SCN8A: variants seen among roughly 807,000 people sequenced by gnomAD.
SCN8A encodes the protein sodium channel protein type 8 subunit alpha.
A neutral mutation model predicts 184.1 loss-of-function variants in SCN8A; 30 were observed. The observed-to-expected ratio is 0.16, with a 90% confidence interval of 0.12 to 0.22. The LOEUF (loss-of-function observed/expected upper bound fraction) is 0.22. SCN8A is among the 10% of genes least tolerant of loss of function. The pLI is 1.00. For missense variants in SCN8A, 1,057 were observed against 2,498.9 expected (o/e 0.42, Z 12.30); for synonymous variants, 852 against 907.0 (o/e 0.94, Z 1.09).
At chr12:51,744,854 T>C (rs956457516) in intron 12 of SCN8A, among the ~76,000 whole-genome samples, 1 of 152,170 alleles carries the variant, frequency 6.6e-6, no homozygotes, top group Non-Finnish European at 1.5e-5. Flanking sequence ...TATTTTCTTT[T>C]TAAAACAGCT....
intron 12 of SCN8A, 148 bp from the exon 13 acceptor site, chr12:51,745,755 A>G: frequency 1.9e-6 from 1 of 523,576 alleles, no homozygotes; most frequent in Admixed American, 4.0e-5. Context: ...AATTCATTTC[A>G]TTCTACTTCT....
intron 12 of SCN8A, among the ~76,000 whole-genome samples, chr12:51,744,379 G>A (rs1262865684): frequency 6.6e-6 from 1 of 152,160 alleles, no homozygotes; most frequent in Non-Finnish European, 1.5e-5. Context: ...ACAATACAAA[G>A]TCCTTCCTGC....
chr12:51,613,709 T>C (rs754244699), intron 1 of SCN8A, among the ~76,000 whole-genome samples: 3 of 152,152 alleles, frequency 2.0e-5, no homozygotes, highest in Non-Finnish European at 4.4e-5. Flanking sequence ...TCTTTTCTAA[T>C]ATAATCTCTT....
At position 51,751,431 on chromosome 12, in the gene SCN8A, C is replaced by G; in HGVS notation, c.2208C>G (p.His736Gln). The change falls in exon 14 of 27, where the codon CAC (histidine) becomes CAG (glutamine). Residue 736 changes from histidine (H) to glutamine (Q), a missense_variant. Physicochemically the swap from His to Gln is conservative, Grantham distance 24. Coordinates refer to ENST00000627620, the MANE Select transcript of SCN8A (RefSeq NM_001330260.2). ...FANTFLIWEC[H>Q]PYWIKLKEIV... ...ACACTTTCCTCATCTGGGAGTGCCACCCCTACTGGATAAAACTGAAAGAGA... is the reference window on the plus strand; with the variant it reads ...ACACTTTCCTCATCTGGGAGTGCCAGCCCTACTGGATAAAACTGAAAGAGA... 6.2e-7 allele frequency: 1 copy of G among 1,613,918 alleles called. No homozygotes were observed.
chr12:51,779,023 CT>C (rs1440939096), intron 20 of SCN8A, among the ~76,000 whole-genome samples: 1 of 151,974 alleles, frequency 6.6e-6, no homozygotes, highest in African/African-American at 2.4e-5. Context: ...TGAGACCAGC[CT>C]GGACAACACA....
intron 13 of SCN8A, among the ~76,000 whole-genome samples, chr12:51,750,553 G>A (rs1942580641): frequency 1.3e-5 from 2 of 152,148 alleles, no homozygotes; most frequent in Admixed American, 1.3e-4. Flanking sequence ...CTTGTTAAGG[G>A]TGGAGACAGT....
At chr12:51,712,860 A>G (rs757449920) in intron 11 of SCN8A, 6 of 1,438,928 alleles carry the variant, frequency 4.2e-6, no homozygotes, top group Non-Finnish European at 5.9e-6. Context: ...CTCCACCACC[A>G]TAGCCTCCTC....
chr12:51,802,735 A>T (rs185682256), intron 26 of SCN8A, among the ~76,000 whole-genome samples: 18 of 152,342 alleles, frequency 1.2e-4, no homozygotes, highest in African/African-American at 4.3e-4. Context: ...ACATATGGTC[A>T]AATGTATTAC....
At chr12:51,656,131 G>A (rs1459398229) in intron 1 of SCN8A, among the ~76,000 whole-genome samples, 1 of 152,138 alleles carries the variant, frequency 6.6e-6, no homozygotes, top group African/African-American at 2.4e-5. Context: ...TGGATGAATA[G>A]AACTTAGGTA....
chr12:51,699,818 A>G, intron 7 of SCN8A, 27 bp downstream of exon 7: 1 of 1,568,994 alleles, frequency 6.4e-7, no homozygotes, highest in Non-Finnish European at 8.7e-7. Flanking sequence ...CTGCAAGAGG[A>G]ATAGGAAAAG....
At chr12:51,770,170 A>T in intron 18 of SCN8A, 185 bp downstream of exon 18, 2 of 597,068 alleles carry the variant, frequency 3.3e-6, no homozygotes, top group East Asian at 5.7e-5. Flanking sequence ...GTATATAACA[A>T]GTTTCTATTC....
chr12:51,621,353 T>G (rs1283450794), intron 1 of SCN8A, among the ~76,000 whole-genome samples: 1 of 152,216 alleles, frequency 6.6e-6, no homozygotes, highest in Non-Finnish European at 1.5e-5. Flanking sequence ...GATCAGAGTT[T>G]ACGTGGTCAA....
At chr12:51,738,853 A>G (rs1247252157) in intron 12 of SCN8A, among the ~76,000 whole-genome samples, 3 of 152,212 alleles carry the variant, frequency 2.0e-5, no homozygotes, top group African/African-American at 7.2e-5. Context: ...TTCCCCAGGC[A>G]GAAGGCTCAC....
At chr12:51,800,458 C>T (rs1429469436) in intron 26 of SCN8A, among the ~76,000 whole-genome samples, 1 of 152,220 alleles carries the variant, frequency 6.6e-6, no homozygotes, top group Non-Finnish European at 1.5e-5. Context: ...TCTCCACAGT[C>T]CCTCCAGGGA....
chr12:51,800,210 G>A (rs1450891587), intron 26 of SCN8A, among the ~76,000 whole-genome samples: 2 of 152,246 alleles, frequency 1.3e-5, no homozygotes, highest in African/African-American at 2.4e-5. Flanking sequence ...AAAGGCATTT[G>A]CCAAATCCGT....
chr12:51,770,491 G>C, intron 18 of SCN8A, 38 bp from the exon 19 acceptor site: 1 of 1,529,562 alleles, frequency 6.5e-7, no homozygotes, highest in Non-Finnish European at 8.8e-7. Flanking sequence ...GGCGGGGCAC[G>C]TTTCCACGGT....
chr12:51,753,661 A>T (rs1465591789), intron 14 of SCN8A, among the ~76,000 whole-genome samples: 1 of 152,204 alleles, frequency 6.6e-6, no homozygotes, highest in African/African-American at 2.4e-5. Flanking sequence ...TATAACCTTA[A>T]ATAAGTCATT....
At chr12:51,609,941 G>A (rs2138575228) in intron 1 of SCN8A, among the ~76,000 whole-genome samples, 1 of 151,744 alleles carries the variant, frequency 6.6e-6, no homozygotes, top group South Asian at 2.1e-4. Context: ...CCTGCACGTT[G>A]TGCACATGTA....
intron 2 of SCN8A, among the ~76,000 whole-genome samples, chr12:51,669,768 ATAT>A (rs984958388): frequency 4.1e-4 from 63 of 152,282 alleles, no homozygotes; most frequent in African/African-American, 1.4e-3. Flanking sequence ...TATTTCACTA[ATAT>A]TAGTGCCATC....
Sources: allele counts gnomAD v4.1 joint callset (sites outside exome capture counted in the v4.1 genomes callset), GRCh38; gene constraint gnomAD v4.1.1; transcripts MANE v1.5; gene names NCBI Gene and HGNC (gene_info 2026-07-23, HGNC 2026-07-21).